The following ARHGEF33 variants were observed in gnomAD, a reference collection of about 807,000 sequenced individuals.
ARHGEF33 encodes the protein Rho guanine nucleotide exchange factor 33, also known as DH and coiled-coil domain-containing protein ENSP00000381780.
Under a neutral mutation model 101.9 loss-of-function variants are expected in ARHGEF33, and 72 were observed. The observed-to-expected ratio is 0.71, with a 90% CI of 0.58 to 0.86. The LOEUF is 0.86. Ranked by LOEUF, ARHGEF33 falls within the 40% of genes least tolerant of loss-of-function variation. ARHGEF33 has a pLI of 0.00. For synonymous variants in ARHGEF33, 499 were observed against 442.5 expected (o/e 1.13, Z -1.60); for missense variants, 1,169 against 1,111.3 (o/e 1.05, Z -0.74).
chr2:38,954,301 G>A, intron 12 of ARHGEF33, 72 bp from the exon 13 acceptor site: 2 of 864,276 alleles, frequency 2.3e-6, no homozygotes, highest in Non-Finnish European at 3.8e-6. Flanking sequence ...CTACCCTGGT[G>A]GGACTGATTC....
At chr2:38,932,589 G>A (rs1232783532) in intron 7 of ARHGEF33, among the ~76,000 whole-genome samples, 1 of 152,192 alleles carries the variant, frequency 6.6e-6, no homozygotes, top group Non-Finnish European at 1.5e-5. Context: ...ATAAAAGGAT[G>A]ATCCTCTCTG....
chr2:38,902,225 T>A (rs1343776020), intron 2 of ARHGEF33, among the ~76,000 whole-genome samples: 2 of 151,954 alleles, frequency 1.3e-5, no homozygotes, highest in African/African-American at 4.8e-5. Flanking sequence ...GATTAAAGTG[T>A]GTTTTTAAAA....
intron 9 of ARHGEF33, among the ~76,000 whole-genome samples, chr2:38,942,711 G>C (rs1326328963): frequency 6.6e-6 from 1 of 151,886 alleles, no homozygotes; most frequent in African/African-American, 2.4e-5. Flanking sequence ...TGTTTCTTCA[G>C]GGTCCCCCCT....
chr2:38,917,174 C>A (rs1666653317), intron 2 of ARHGEF33, among the ~76,000 whole-genome samples: 1 of 149,804 alleles, frequency 6.7e-6, no homozygotes, highest in Non-Finnish European at 1.5e-5. Context: ...TCACTGCAAC[C>A]TCTGCGTCTC....
intron 5 of ARHGEF33, 72 bp from the exon 6 acceptor site, chr2:38,929,637 C>A: frequency 8.2e-7 from 1 of 1,217,588 alleles, no homozygotes; most frequent in Non-Finnish European, 1.1e-6. Flanking sequence ...TAAAAGTGTA[C>A]AGTGTGCTAG....
chr2:38,959,900 A>T lies in ARHGEF33; in HGVS notation c.1595A>T (p.Gln532Leu), dbSNP rs1667869591. Residue 532 changes from glutamine to leucine, a missense_variant, in exon 16 of 18, where the codon CAG becomes CTG. Transcript: ENST00000409978. ...CAGCAAAGCCTGATGGAGAGCATGCAGCCCGGGAAGCCCAGTGACTGGGAG... is the reference window on the plus strand; with the variant it reads ...CAGCAAAGCCTGATGGAGAGCATGCTGCCCGGGAAGCCCAGTGACTGGGAG... The part of the protein sequence containing the change: ...QQQQSLMESM[Q>L]PGKPSDWELE... The T allele has an allele frequency of 6.4e-7, 1 of 1,551,862 alleles. No homozygotes were observed. Among genetic ancestry groups the T allele is most frequent in the South Asian group, 1.2e-5 (1 of 84,006 alleles).
intron 1 of ARHGEF33, among the ~76,000 whole-genome samples, chr2:38,893,461 C>G (rs564960170): frequency 6.6e-6 from 1 of 152,258 alleles, no homozygotes; most frequent in African/African-American, 2.4e-5. Flanking sequence ...TGCCTGGCCC[C>G]TCTGGTGATC....
At chr2:38,971,000 A>T (rs1298290066) in intron 17 of ARHGEF33, among the ~76,000 whole-genome samples, 1 of 152,216 alleles carries the variant, frequency 6.6e-6, no homozygotes, top group African/African-American at 2.4e-5. Flanking sequence ...GTGGAGTCAC[A>T]CAGGGCTGTT....
At chr2:38,893,177 T>C (rs2124975071) in intron 1 of ARHGEF33, among the ~76,000 whole-genome samples, 1 of 152,072 alleles carries the variant, frequency 6.6e-6, no homozygotes, top group South Asian at 2.1e-4. Context: ...TTTTTTTCTT[T>C]TTTTGAGACA....
chr2:38,958,289 A>G, intron 15 of ARHGEF33, 91 bp downstream of exon 15: 3 of 1,466,172 alleles, frequency 2.0e-6, no homozygotes, highest in Non-Finnish European at 2.8e-6. Context: ...AGATTCCTCC[A>G]TCCCCTTTCC....
chr2:38,970,897 A>G (rs1406294110), intron 17 of ARHGEF33, among the ~76,000 whole-genome samples: 1 of 152,144 alleles, frequency 6.6e-6, no homozygotes, highest in Non-Finnish European at 1.5e-5. Flanking sequence ...TTTCTCATAT[A>G]TCAGTCCCTC....
At position 38,974,539 on chromosome 2, in the gene ARHGEF33, G is replaced by A. The variant is rs1328350907; in HGVS notation, c.*696G>A. On this transcript the variant is annotated 3_prime_UTR_variant, in exon 18 of 18. Coordinates refer to ENST00000409978, the MANE Select transcript of ARHGEF33 (RefSeq NM_001145451.5). ...CTGTAGAAACTGGGGAGAGAGGAAG[G>A]CAAAGAAACATTTTCCCTTGTGTGG... The A allele has an allele frequency of 6.6e-6, 1 of 152,174 alleles. No homozygotes were observed. The highest frequency in any genetic ancestry group is 1.5e-5 in the Non-Finnish European group (1 of 68,038). The allele number at this position is 152,174 out of a possible 1,614,324, so 9.4% of individuals were successfully genotyped here.
Position 38,921,385 on chromosome 2 carries a change from C to A in ARHGEF33, c.37C>A (p.His13Asn). ...CTTTCTCCCTGCAGGAGAGAATGAA[C>A]ATATGCCGGTGAATAATCCTTCCAC... ...KTKTKQGENE[H>N]MPVNNPSTQI... The change falls in exon 4 of 18, where the codon CAT (histidine) becomes AAT (asparagine). Residue 13 changes from histidine (H) to asparagine (N), a missense_variant. Physicochemically the swap from His to Asn is moderately conservative, Grantham distance 68. Coordinates refer to ENST00000409978, the MANE Select transcript of ARHGEF33 (RefSeq NM_001145451.5). 1 of 1,543,678 alleles carries A rather than the reference C, an allele frequency of 6.5e-7. No homozygotes were observed.
intron 4 of ARHGEF33, among the ~76,000 whole-genome samples, chr2:38,923,291 C>T (rs765142772): frequency 4.6e-5 from 7 of 151,656 alleles, no homozygotes; most frequent in Non-Finnish European, 1.0e-4. Context: ...TTACTCCAAG[C>T]AACATTTAAC....
intron 4 of ARHGEF33, among the ~76,000 whole-genome samples, chr2:38,926,390 CAGGGTCGGT>C (rs1666869272): frequency 2.0e-5 from 3 of 152,278 alleles, no homozygotes; most frequent in African/African-American, 7.2e-5. Flanking sequence ...AGGGAGTGGT[CAGGGTCGGT>C]AGTTGAAAAC....
At chr2:38,948,990 A>C (rs1188002622) in intron 10 of ARHGEF33, among the ~76,000 whole-genome samples, 1 of 152,122 alleles carries the variant, frequency 6.6e-6, no homozygotes, top group East Asian at 1.9e-4. Flanking sequence ...TTGTACCTGT[A>C]GGGGATCCAG....
chr2:38,958,235 G>A, intron 15 of ARHGEF33, 37 bp downstream of exon 15: 3 of 1,549,436 alleles, frequency 1.9e-6, no homozygotes, highest in Non-Finnish European at 2.6e-6. Flanking sequence ...TAATGCCAAT[G>A]CCTTTGGGAC....
intron 2 of ARHGEF33, among the ~76,000 whole-genome samples, chr2:38,901,532 G>C (rs2124980116): frequency 6.6e-6 from 1 of 152,276 alleles, no homozygotes; most frequent in African/African-American, 2.4e-5. Flanking sequence ...CCCTATCCTG[G>C]AAGACCTTTA....
chr2:38,965,697 C>G (rs1182964136), intron 16 of ARHGEF33, among the ~76,000 whole-genome samples: 1 of 152,198 alleles, frequency 6.6e-6, no homozygotes, highest in African/African-American at 2.4e-5. Context: ...TTCTTGCAGT[C>G]TTCTTTTAAA....
Sources: allele counts gnomAD v4.1 joint callset (sites outside exome capture counted in the v4.1 genomes callset), GRCh38; gene constraint gnomAD v4.1.1; transcripts MANE v1.5; gene names NCBI Gene and HGNC (gene_info 2026-07-23, HGNC 2026-07-21).